HERC2: variants seen among roughly 807,000 people sequenced by gnomAD.
HERC2 encodes HECT and RLD domain containing E3 ubiquitin protein ligase 2.
Under a neutral mutation model 537.7 loss-of-function variants are expected in HERC2, and 102 were observed. The observed-to-expected ratio is 0.19, with a 90% CI of 0.16 to 0.22. The LOEUF is 0.22. HERC2 is among the 10% of genes least tolerant of loss of function. The pLI is 1.00. For synonymous variants in HERC2, 2,224 were observed against 2,466.2 expected, an observed-to-expected ratio of 0.90 and a Z score of 2.91; for missense variants, 4,236 against 6,198.2, an observed-to-expected ratio of 0.68 and a Z score of 10.63.
rs368026802 is a variant in HERC2, at chr15:28,117,001, G to T, written c.13414+12C>A. 6.2e-7 allele frequency: 1 copy of T among 1,613,972 alleles called. No homozygotes were observed. On this transcript the variant is annotated intron_variant, in intron 87 of 92. Transcript: ENST00000261609. ...GGGGACACAGGTGCTCCAGCACGTG[G>T]CAAGTTCTCACCCACAAACTTGACT...
rs535390266 is a variant in HERC2 at position 28,280,345 on chromosome 15, C to A, written c.323-58G>T. 128 of 1,391,884 alleles carry A rather than the reference C, an allele frequency of 9.2e-5. 1 individual carries two copies. The highest frequency in any genetic ancestry group is 1.2e-4 in the Non-Finnish European group (125 of 1,008,602). The allele number at this position is 1,391,884 out of a possible 1,614,324, so 86.2% of individuals were successfully genotyped here. On this transcript the variant is annotated intron_variant, in intron 4 of 92. Transcript: ENST00000261609. ...TGGACAATGTGGCCACAGTTTGTTG[C>A]AATGTTGAGAAAATGGATGATGACG...
chr15:28,165,184 G>C (rs939234602), intron 68 of HERC2, among the ~76,000 whole-genome samples: 1 of 152,158 alleles, frequency 6.6e-6, no homozygotes, highest in East Asian at 1.9e-4. Flanking sequence ...GGAGGTGAGG[G>C]GAGGGCCAGA....
At position 28,201,512 on chromosome 15, in the gene HERC2, G is replaced by C. The variant is rs146159039; in HGVS notation, c.7660C>G (p.Arg2554Gly). The C allele has an allele frequency of 6.2e-7, 1 of 1,613,540 alleles. No homozygotes were observed. The highest frequency in any genetic ancestry group is 8.5e-7 in the Non-Finnish European group (1 of 1,179,532). ...VVTESQTYKK[R>G]ADFLSNDDYA... ...TCATCATTACTCAAGAAATCAGCTC[G>C]TTTTTTGTACGTCTGGCTCTCCGTC... The change falls in exon 48 of 93, where the codon CGA becomes GGA. Residue 2554 changes from arginine to glycine, a missense_variant. Physicochemically the swap from Arg to Gly is moderately radical, Grantham distance 125. Coordinates refer to ENST00000261609, the MANE Select transcript of HERC2 (RefSeq NM_004667.6).
At chr15:28,290,006 C>T (rs554939012) in intron 4 of HERC2, among the ~76,000 whole-genome samples, 7 of 152,314 alleles carry the variant, frequency 4.6e-5, no homozygotes, top group South Asian at 2.1e-4. Flanking sequence ...ATCTCTCAGG[C>T]GGGGTTCAAA....
Position 28,265,672 on chromosome 15 carries a change from T to C in HERC2, c.1816A>G (p.Ile606Val). 1 of 1,614,206 alleles carries C rather than the reference T, an allele frequency of 6.2e-7. No homozygotes were observed. The highest frequency in any genetic ancestry group is 1.3e-5 in the African/African-American group (1 of 75,066). ...TCCCCACTCCCACACGCCACATCGATGACCTTCAGTCCTTTAAGCCCGGCT... is the reference window on the plus strand; with the variant it reads ...TCCCCACTCCCACACGCCACATCGACGACCTTCAGTCCTTTAAGCCCGGCT... The part of the protein sequence containing the change: ...LVAGLKGLKV[I>V]DVACGSGDAQ... Residue 606 changes from isoleucine to valine, a missense_variant, in exon 14 of 93, where the codon ATC (isoleucine) becomes GTC (valine). Ile to Val is a conservative substitution (Grantham distance 29). Coordinates refer to ENST00000261609, the MANE Select transcript of HERC2 (RefSeq NM_004667.6). This position sits in a 1 kb window ranked among gnomAD's most constrained non-coding sequence, Gnocchi z 4.0.
intron 71 of HERC2, 65 bp from the exon 72 acceptor site, chr15:28,144,869 T>C: frequency 1.2e-6 from 2 of 1,603,952 alleles, no homozygotes; most frequent in African/African-American, 1.3e-5. Context: ...CAAACCTTCT[T>C]AGACGCAAAG....
chr15:28,181,329 G>A, intron 57 of HERC2, among the ~76,000 whole-genome samples: 1 of 152,154 alleles, frequency 6.6e-6, no homozygotes, highest in Non-Finnish European at 1.5e-5. Context: ...GGGACCTCTG[G>A]ACAGCCCTGC....
intron 20 of HERC2, among the ~76,000 whole-genome samples, chr15:28,251,664 G>C (rs1471992882): frequency 1.3e-5 from 2 of 151,880 alleles, no homozygotes; most frequent in Non-Finnish European, 2.9e-5. Flanking sequence ...GCAAGGCGTG[G>C]TGGTGTACGC....
In HERC2 at chr15:28,176,294, A is replaced by G; in HGVS notation, c.9686+134T>C. Reference sequence around the variant, plus strand: ...CACTAATCCCAACTCAATATCCTTTAAAGGACAAAGATGCATGCATAAGTA... The same window carrying G: ...CACTAATCCCAACTCAATATCCTTTGAAGGACAAAGATGCATGCATAAGTA... On this transcript the variant is annotated intron_variant, in intron 63 of 92. Transcript: ENST00000261609. The surrounding 1 kb of genome is among the most constrained non-coding windows in gnomAD (Gnocchi z 5.0). The G allele has an allele frequency of 2.8e-6, 2 of 705,392 alleles. No individual in the cohort carries two copies. Among genetic ancestry groups the G allele is most frequent in the East Asian group, 5.4e-5 (2 of 37,274 alleles). 43.7% of individuals were successfully genotyped at this position (705,392 alleles called of 1,614,324 possible).
At chr15:28,250,481 G>A (rs1417678989) in intron 20 of HERC2, among the ~76,000 whole-genome samples, 2 of 152,146 alleles carry the variant, frequency 1.3e-5, no homozygotes, top group African/African-American at 4.8e-5. Context: ...ATAAAATTTA[G>A]AGCCATAATC....
intron 2 of HERC2, among the ~76,000 whole-genome samples, chr15:28,309,155 A>G (rs1244186932): frequency 6.6e-6 from 1 of 152,234 alleles, no homozygotes; most frequent in Admixed American, 6.5e-5. Flanking sequence ...GAAATGTTCT[A>G]GAAATATCTA....
In HERC2 at chr15:28,117,058, C is replaced by T. The variant is rs777620455; in HGVS notation, c.13369G>A (p.Asp4457Asn). 5.0e-6 allele frequency: 8 copies of T among 1,614,028 alleles called. No homozygotes were observed. Among genetic ancestry groups the T allele is most frequent in the Non-Finnish European group, 5.9e-6 (7 of 1,180,040 alleles). ...MCAKMSSFGP[D>N]SLLLPHRVWK... Reference sequence around the variant, plus strand: ...ACACGGTGAGGAAGGAGGAGGCTGTCGGGACCAAACGAGCTCATCTTAGCA... The same window carrying T: ...ACACGGTGAGGAAGGAGGAGGCTGTTGGGACCAAACGAGCTCATCTTAGCA... The change falls in exon 87 of 93, where the codon GAC (aspartate) becomes AAC (asparagine). Residue 4457 changes from aspartate (D) to asparagine (N), a missense_variant. Asp to Asn is a conservative substitution (Grantham distance 23). Transcript: ENST00000261609.
chr15:28,164,494 T>C (rs1275204745), intron 68 of HERC2, among the ~76,000 whole-genome samples: 1 of 152,140 alleles, frequency 6.6e-6, no homozygotes, highest in Non-Finnish European at 1.5e-5. Context: ...GTGAAACATA[T>C]TAACAAGAAT....
chr15:28,226,727 C>T (rs770280157), intron 35 of HERC2, among the ~76,000 whole-genome samples: 3 of 151,986 alleles, frequency 2.0e-5, no homozygotes, highest in Admixed American at 6.6e-5. Context: ...AAAGCATAGA[C>T]GACAAAAGAG....
intron 83 of HERC2, among the ~76,000 whole-genome samples, chr15:28,128,755 G>A (rs984273191): frequency 3.9e-5 from 6 of 152,158 alleles, no homozygotes; most frequent in Admixed American, 1.3e-4. Context: ...GAGAAGCCCC[G>A]CATGGGTCTG....
chr15:28,293,632 C>T (rs534828846), intron 3 of HERC2, among the ~76,000 whole-genome samples: 39 of 152,142 alleles, frequency 2.6e-4, no homozygotes, highest in African/African-American at 8.9e-4. Context: ...AATTTCACAC[C>T]AATTGCTTTT....
rs767789798 is a variant in HERC2 at position 28,111,931 on chromosome 15, C to T, written c.14337G>A (p.Glu4779=). 6.2e-7 allele frequency: 1 copy of T among 1,614,058 alleles called. No homozygotes were observed. The highest frequency in any genetic ancestry group is 1.3e-5 in the African/African-American group (1 of 74,910). ...PRYSCKQVLE[E]KLKYAIHFCK... is the part of the protein sequence containing the mutation. The stretch of plus-strand genomic sequence containing the variant: ...AGAAGTGGATGGCGTACTTGAGCTT[C>T]TCCTCCAGCACCTGCTTGCAGGAAT... The change falls in exon 93 of 93, where the codon GAG becomes GAA. Residue 4779 remains glutamate (E), a synonymous_variant. Coordinates refer to ENST00000261609, the MANE Select transcript of HERC2 (RefSeq NM_004667.6).
At chr15:28,193,063 G>A (rs1435656777) in intron 52 of HERC2, among the ~76,000 whole-genome samples, 1 of 151,992 alleles carries the variant, frequency 6.6e-6, no homozygotes, top group Non-Finnish European at 1.5e-5. Flanking sequence ...TCCATTCCTT[G>A]GAGAACAATA....
At chr15:28,146,554 T>A (rs146658589) in intron 70 of HERC2, among the ~76,000 whole-genome samples, 1,715 of 152,272 alleles carry the variant, frequency 0.011, 18 homozygotes, top group African/African-American at 0.04. Context: ...CAGAAAACAC[T>A]TCCACTTGGC....
Sources: gnomAD v4.1 joint callset for allele counts (sites outside exome capture counted in the v4.1 genomes callset) on GRCh38, gnomAD v4.1.1 for gene constraint, Gnocchi (gnomAD v3.1) non-coding constraint, MANE v1.5 for transcripts, NCBI Gene and HGNC (gene_info 2026-07-23, HGNC 2026-07-21) for gene names.